The following NUGGC variants were observed in gnomAD, a reference collection of about 807,000 sequenced individuals.
NUGGC encodes nuclear GTPase, germinal center associated, also known as nuclear GTPase SLIP-GC.
Under a neutral mutation model 92.6 loss-of-function variants are expected in NUGGC, and 58 were observed. The ratio of observed to expected loss-of-function variants is 0.63; its 90% confidence interval spans 0.51 to 0.78. The LOEUF (loss-of-function observed/expected upper bound fraction) is 0.78. Among genes scored for constraint, NUGGC ranks in the 30% least tolerant of loss-of-function variants. NUGGC has a pLI of 0.00. For synonymous variants in NUGGC, 376 were observed against 366.4 expected (o/e 1.03, Z -0.30); for missense variants, 925 against 964.6 (o/e 0.96, Z 0.54).
intron 7 of NUGGC, among the ~76,000 whole-genome samples, chr8:28,062,499 C>T (rs1810331815): frequency 6.6e-6 from 1 of 152,134 alleles, no homozygotes; most frequent in South Asian, 2.1e-4. Flanking sequence ...CACCTGTAGC[C>T]CCAGCTACTC....
At chr8:28,065,293 G>A (rs1230814660) in intron 6 of NUGGC, among the ~76,000 whole-genome samples, 3 of 151,578 alleles carry the variant, frequency 2.0e-5, no homozygotes, top group Non-Finnish European at 4.4e-5. Flanking sequence ...CCAGGAGCTG[G>A]GACTACAGGC....
intron 10 of NUGGC, among the ~76,000 whole-genome samples, chr8:28,048,097 A>C (rs1809887345): frequency 6.6e-6 from 1 of 152,194 alleles, no homozygotes; most frequent in African/African-American, 2.4e-5. Context: ...CCTGAATCTC[A>C]AACTGATAAC....
At chr8:28,069,747 G>GAA in intron 3 of NUGGC, 95 bp from the exon 4 acceptor site, 11 of 663,934 alleles carry the variant, frequency 1.7e-5, no homozygotes, top group Middle Eastern at 2.6e-4. Flanking sequence ...GCAGAGAAGG[G>GAA]AAAAAAAAAA....
intron 1 of NUGGC, among the ~76,000 whole-genome samples, chr8:28,079,404 G>C (rs562218398): frequency 6.6e-6 from 1 of 152,262 alleles, no homozygotes; most frequent in African/African-American, 2.4e-5. Flanking sequence ...GCCCGGTGTG[G>C]TGGCACGCGC....
At chr8:28,050,549 G>A (rs1585575681) in intron 10 of NUGGC, among the ~76,000 whole-genome samples, 1 of 152,152 alleles carries the variant, frequency 6.6e-6, no homozygotes, top group Admixed American at 6.5e-5. Flanking sequence ...GGTGGCTCAT[G>A]CCTGTAATCC....
At chr8:28,033,428 C>T in intron 14 of NUGGC, 112 bp downstream of exon 14, 3 of 1,047,714 alleles carry the variant, frequency 2.9e-6, no homozygotes, top group African/African-American at 1.6e-5. Context: ...GTTTCCTTCT[C>T]CAGTTACAAG....
chr8:28,065,774 G>A (rs909218787), intron 6 of NUGGC, among the ~76,000 whole-genome samples: 1 of 152,156 alleles, frequency 6.6e-6, no homozygotes, highest in Non-Finnish European at 1.5e-5. Context: ...AAATTAAATC[G>A]CTGGATTTGT....
chr8:28,027,014 A>C lies in NUGGC; in HGVS notation c.2193T>G (p.Thr731=). The change falls in exon 18 of 19, where the codon ACT becomes ACG. Residue 731 remains threonine, a synonymous_variant. Transcript: ENST00000413272. ...CCTGGGACGAAGCAAGGGCCAGCAT[A>C]GTGGTGATGCTGCCCTTCACCTTCT... ...IVEKVKGSIT[T]MLALASSQGD... The C allele has an allele frequency of 1.2e-6, 2 of 1,613,878 alleles. No individual in the cohort carries two copies. The highest frequency in any genetic ancestry group is 1.7e-6 in the Non-Finnish European group (2 of 1,179,776).
intron 13 of NUGGC, among the ~76,000 whole-genome samples, chr8:28,035,571 G>GTACACTCAATTTCA (rs1809533851): frequency 6.6e-6 from 1 of 152,134 alleles, no homozygotes; most frequent in Admixed American, 6.5e-5. Context: ...AGTACACAAA[G>GTACACTCAATTTCA]GCGTCCCCCT....
At chr8:28,031,413 G>A in intron 14 of NUGGC, 32 bp from the exon 15 acceptor site, 1 of 1,608,160 alleles carries the variant, frequency 6.2e-7, no homozygotes. Flanking sequence ...AAGTTTAAGA[G>A]AATGGTGGCT....
At chr8:28,044,100 A>G (rs1291406785) in intron 12 of NUGGC, among the ~76,000 whole-genome samples, 2 of 152,116 alleles carry the variant, frequency 1.3e-5, no homozygotes, top group Non-Finnish European at 1.5e-5. Flanking sequence ...TTACTCCCAC[A>G]TGGAAGTCAG....
At chr8:28,078,019 A>T (rs575136963) in intron 1 of NUGGC, among the ~76,000 whole-genome samples, 1 of 152,326 alleles carries the variant, frequency 6.6e-6, no homozygotes, top group African/African-American at 2.4e-5. Context: ...ATTTGACTTC[A>T]TTTACTAAAT....
chr8:28,068,984 C>T (rs1810518765), intron 4 of NUGGC, among the ~76,000 whole-genome samples: 1 of 152,156 alleles, frequency 6.6e-6, no homozygotes, highest in African/African-American at 2.4e-5. Flanking sequence ...CTCGGCCTCC[C>T]AAAGTGCTGA....
chr8:28,044,896 C>G (rs1809791571), intron 12 of NUGGC, among the ~76,000 whole-genome samples: 1 of 152,188 alleles, frequency 6.6e-6, no homozygotes, highest in African/African-American at 2.4e-5. Flanking sequence ...CAAAACCCCC[C>G]AAGTCTCTAA....
intron 10 of NUGGC, among the ~76,000 whole-genome samples, chr8:28,048,930 AAC>A (rs1323955976): frequency 6.6e-6 from 1 of 151,996 alleles, no homozygotes; most frequent in African/African-American, 2.4e-5. Context: ...TGCTTAGAAA[AAC>A]AGTGTCGTGG....
chr8:28,068,132 AAG>A, intron 5 of NUGGC, 82 bp downstream of exon 5: 1 of 771,808 alleles, frequency 1.3e-6, no homozygotes, highest in Non-Finnish European at 2.2e-6. Flanking sequence ...GGAAGGAAGA[AAG>A]AAAGGAAGGA....
At chr8:28,027,683 G>A (rs925020417) in intron 17 of NUGGC, among the ~76,000 whole-genome samples, 3 of 152,044 alleles carry the variant, frequency 2.0e-5, no homozygotes, top group East Asian at 1.9e-4. Context: ...TTTCTTTAAC[G>A]TTCTAGATTC....
At chr8:28,030,744 G>T (rs1010998268) in intron 15 of NUGGC, among the ~76,000 whole-genome samples, 15 of 152,198 alleles carry the variant, frequency 9.9e-5, no homozygotes, top group Non-Finnish European at 2.2e-4. Flanking sequence ...CCCTAGCATT[G>T]CCATGTAATT....
At chr8:28,062,189 G>A (rs866050231) in intron 7 of NUGGC, among the ~76,000 whole-genome samples, 20 of 152,166 alleles carry the variant, frequency 1.3e-4, no homozygotes, top group South Asian at 1.0e-3. Flanking sequence ...AAGCCCAAGC[G>A]GTAAAGAGAC....
Sources: gnomAD v4.1 joint callset for allele counts (sites outside exome capture counted in the v4.1 genomes callset) on GRCh38, gnomAD v4.1.1 for gene constraint, MANE v1.5 for transcripts, NCBI Gene and HGNC (gene_info 2026-07-23, HGNC 2026-07-21) for gene names.